The following ZBTB39 variants were observed in gnomAD, a reference collection of about 807,000 sequenced individuals.
ZBTB39 encodes the protein zinc finger and BTB domain-containing protein 39.
A neutral mutation model predicts 39.4 loss-of-function variants in ZBTB39; 25 were observed. That is an observed-to-expected ratio of 0.63 (90% confidence interval 0.46 to 0.89). The LOEUF (loss-of-function observed/expected upper bound fraction) is 0.89. ZBTB39 is among the 40% of genes least tolerant of loss of function. The pLI is 0.00. For synonymous variants in ZBTB39, 373 were observed against 359.6 expected (o/e 1.04, Z -0.42); for missense variants, 891 against 909.7 (o/e 0.98, Z 0.26).
At position 57,003,150 on chromosome 12, in the gene ZBTB39, G is replaced by C. The variant is rs1393792047; in HGVS notation, c.1768C>G (p.Leu590Val). ...QKRKLPAEEF[L>V]GEELALQGQP... The stretch of plus-strand genomic sequence containing the variant: ...CCCTGCAGCGCCAGCTCTTCACCCA[G>C]AAACTCCTCTGCTGGCAGCTTCCGC... The change falls in exon 2 of 2, where the codon CTG (leucine) becomes GTG (valine). Residue 590 changes from leucine to valine, a missense_variant. Coordinates refer to ENST00000300101, the MANE Select transcript of ZBTB39 (RefSeq NM_014830.3). The surrounding 1 kb of genome is among the most constrained non-coding windows in gnomAD (Gnocchi z 4.8). 8 of 1,614,046 alleles carry C rather than the reference G, an allele frequency of 5.0e-6. No individual in the cohort carries two copies. Among genetic ancestry groups the C allele is most frequent in the African/African-American group, 1.3e-5 (1 of 74,944 alleles).
intron 1 of ZBTB39, among the ~76,000 whole-genome samples, chr12:57,005,273 A>G (rs1433667144): frequency 2.6e-5 from 4 of 152,208 alleles, no homozygotes; most frequent in Non-Finnish European, 5.9e-5. Context: ...ACTGGATCAA[A>G]TTTTTCTCCT....
intron 1 of ZBTB39, among the ~76,000 whole-genome samples, 173 bp from the exon 2 acceptor site, chr12:57,005,134 T>C (rs562796503): frequency 6.6e-6 from 1 of 152,240 alleles, no homozygotes; most frequent in East Asian, 1.9e-4. Flanking sequence ...TCCCCCTGTA[T>C]ATACTCAAAG....
Position 57,004,975 on chromosome 12 carries a change from G to A in ZBTB39, c.-44-14C>T. The A allele has an allele frequency of 6.6e-7, 1 of 1,507,768 alleles. No homozygotes were observed. Among genetic ancestry groups the A allele is most frequent in the Non-Finnish European group, 8.9e-7 (1 of 1,120,748 alleles). The allele number at this position is 1,507,768 out of a possible 1,614,324, so 93.4% of individuals were successfully genotyped here. A position where few individuals can be genotyped will look rare whatever the true frequency, so the allele number is the denominator to read the frequency against. ...AGCACAGTTAATCTGTGGATAGCAA[G>A]AGAAAAAGATGGATGGCCAAACACA... On this transcript the variant is annotated splice_polypyrimidine_tract_variant and intron_variant, in intron 1 of 1. Coordinates refer to ENST00000300101, the MANE Select transcript of ZBTB39 (RefSeq NM_014830.3).
rs1956196976 is a variant in ZBTB39 at position 56,999,341 on chromosome 12, G to A, written c.*3438C>T. ...TTTGCTTTGGAAGTTAAGCAGTCTT[G>A]GGCTTGGGGAAAGGGGCACAGAAGG... is the stretch of plus-strand genomic sequence containing the variant. On this transcript the variant is annotated 3_prime_UTR_variant, in exon 2 of 2. Coordinates refer to ENST00000300101, the MANE Select transcript of ZBTB39 (RefSeq NM_014830.3). 6.6e-6 allele frequency: 1 copy of A among 152,056 alleles called. No homozygotes were observed. The highest frequency in any genetic ancestry group is 6.6e-5 in the Admixed American group (1 of 15,258). The allele number at this position is 152,056 out of a possible 1,614,324, so 9.4% of individuals were successfully genotyped here. A position where few individuals can be genotyped will look rare whatever the true frequency, so the allele number is the denominator to read the frequency against.
rs200367932 is a variant in ZBTB39, at chr12:57,003,562, T to C, written c.1356A>G (p.Lys452=). 1.2e-5 allele frequency: 20 copies of C among 1,614,136 alleles called. No homozygotes were observed. The East Asian group carries it at 4.2e-4, about 34-fold the overall frequency. ...LFSGAASPEL[K]CAACGKVLAK... Reference sequence around the variant, plus strand: ...CCAATACTTTCCCACAGGCAGCGCATTTCAGCTCTGGGGAGGCTGCCCCTG... The same window carrying C: ...CCAATACTTTCCCACAGGCAGCGCACTTCAGCTCTGGGGAGGCTGCCCCTG... The change falls in exon 2 of 2, where the codon AAA becomes AAG. Residue 452 remains lysine, a synonymous_variant. Coordinates refer to ENST00000300101, the MANE Select transcript of ZBTB39 (RefSeq NM_014830.3). This position sits in a 1 kb window ranked among gnomAD's most constrained non-coding sequence, Gnocchi z 4.8.
At position 57,004,341 on chromosome 12, in the gene ZBTB39, C is replaced by T. The variant is rs746121136; in HGVS notation, c.577G>A (p.Ala193Thr). Residue 193 changes from alanine to threonine, a missense_variant, in exon 2 of 2, where the codon GCT (alanine) becomes ACT (threonine). By Grantham distance (58) the Ala-to-Thr change is moderately conservative. Coordinates refer to ENST00000300101, the MANE Select transcript of ZBTB39 (RefSeq NM_014830.3). ...KEEEKNVASD[A>T]NHSLHLPQPP... ...TGCGGCAGATGCAGGCTATGGTTAG[C>T]GTCACTGGCAACATTCTTCTCTTCC... The T allele has an allele frequency of 1.3e-5, 21 of 1,614,172 alleles. No homozygotes were observed. The Admixed American group carries it at 1.7e-4, about 13-fold the overall frequency.
In ZBTB39 at chr12:57,001,751, C is replaced by T. The variant is rs1276097051; in HGVS notation, c.*1028G>A. The T allele has an allele frequency of 6.5e-6, 1 of 153,010 alleles. No individual in the cohort carries two copies. Among genetic ancestry groups the T allele is most frequent in the Non-Finnish European group, 1.5e-5 (1 of 68,110 alleles). 9.5% of individuals were successfully genotyped at this position (153,010 alleles called of 1,614,324 possible). A position where few individuals can be genotyped will look rare whatever the true frequency, so the allele number is the denominator to read the frequency against. On this transcript the variant is annotated 3_prime_UTR_variant, in exon 2 of 2. Transcript: ENST00000300101. ...AGAACGCACACCCTGCTACACACCA[C>T]CAGTTACTCAGGTCCCTTTAATCCT...
At position 57,004,319 on chromosome 12, in the gene ZBTB39, G is replaced by T. The variant is rs757341575; in HGVS notation, c.599C>A (p.Pro200Gln). The T allele has an allele frequency of 1.2e-6, 2 of 1,614,134 alleles. No individual in the cohort carries two copies. The highest frequency in any genetic ancestry group is 1.1e-5 in the South Asian group (1 of 91,074). ...CTTTGGCGGTGGTGGGGGCGGTTGC[G>T]GCAGATGCAGGCTATGGTTAGCGTC... The part of the protein sequence containing the change: ...ASDANHSLHL[P>Q]QPPPPPPKTE... The change falls in exon 2 of 2, where the codon CCG becomes CAG. Residue 200 changes from proline to glutamine, a missense_variant. Coordinates refer to ENST00000300101, the MANE Select transcript of ZBTB39 (RefSeq NM_014830.3).
rs374615327 is a variant in ZBTB39 at position 57,004,070 on chromosome 12, G to A, written c.848C>T (p.Ser283Phe). Residue 283 changes from serine to phenylalanine, a missense_variant, in exon 2 of 2, where the codon TCC becomes TTC. By Grantham distance (155) the Ser-to-Phe change is radical. Coordinates refer to ENST00000300101, the MANE Select transcript of ZBTB39 (RefSeq NM_014830.3). ...CATCTGCCCAAAGCCAGGATCTTTG[G>A]AGTGCTCACTATTGCTCAGACAGGA... ...TNSCLSNSEH[S>F]KDPGFGQMDE... 1.2e-5 allele frequency: 19 copies of A among 1,614,238 alleles called. No individual in the cohort carries two copies. The African/African-American group carries it at 1.7e-4, about 15-fold the overall frequency.
rs1452348796 is a variant in ZBTB39, at chr12:57,004,144, G to A, written c.774C>T (p.Asn258=). 2.5e-6 allele frequency: 4 copies of A among 1,614,094 alleles called. No individual in the cohort carries two copies. In the Admixed American group the frequency reaches 5.0e-5, roughly 20 times the overall value. The change falls in exon 2 of 2, where the codon AAC becomes AAT. Residue 258 remains asparagine, a synonymous_variant. Coordinates refer to ENST00000300101, the MANE Select transcript of ZBTB39 (RefSeq NM_014830.3). ...CTGCATTGTCAGGGGTGAGGAAGCTGTTTTTACTGAAGTCTCCATTGCTTT... is the reference window on the plus strand; with the variant it reads ...CTGCATTGTCAGGGGTGAGGAAGCTATTTTTACTGAAGTCTCCATTGCTTT... ...KVQSNGDFSK[N]SFLTPDNAVD... is the part of the protein sequence containing the mutation.
intron 1 of ZBTB39, among the ~76,000 whole-genome samples, chr12:57,005,408 ATAAGG>A (rs1190019717): frequency 6.6e-6 from 1 of 152,220 alleles, no homozygotes; most frequent in African/African-American, 2.4e-5. Flanking sequence ...TGAGGAACAT[ATAAGG>A]TGGTTCCGTT....
rs917251334 is a variant in ZBTB39, at chr12:57,001,349, T to C, written c.*1430A>G. 6.6e-6 allele frequency: 1 copy of C among 152,638 alleles called. No individual in the cohort carries two copies. The highest frequency in any genetic ancestry group is 1.5e-5 in the Non-Finnish European group (1 of 68,032). 9.5% of individuals were successfully genotyped at this position (152,638 alleles called of 1,614,324 possible). A position where few individuals can be genotyped will look rare whatever the true frequency, so the allele number is the denominator to read the frequency against. ...CTTGCTTGTGAAACAGCCCGGGGTG[T>C]TGCTGAATCCCACCAGGGGCAGTGC... On this transcript the variant is annotated 3_prime_UTR_variant, in exon 2 of 2. Transcript: ENST00000300101.
chr12:57,002,850 CAG>C lies in ZBTB39; in HGVS notation c.2066_2067del (p.Pro689ArgfsTer19). On this transcript the variant is annotated frameshift_variant, in exon 2 of 2. Transcript: ENST00000300101. LOFTEE classifies it high-confidence loss of function. ...HVGVHKGSLP[P>X]DFTIEQTFMY... The stretch of plus-strand genomic sequence containing the variant: ...ATGAAGGTCTGCTCGATGGTGAAGT[CAG>C]GGGGGAGGCTGCCTTTGTGCACACC... 6.2e-7 allele frequency: 1 copy of C among 1,614,202 alleles called. No individual in the cohort carries two copies. Among genetic ancestry groups the C allele is most frequent in the Non-Finnish European group, 8.5e-7 (1 of 1,180,048 alleles).
In ZBTB39 at chr12:57,002,209, A is replaced by C. The variant is rs763161498; in HGVS notation, c.*570T>G. 6.5e-6 allele frequency: 1 copy of C among 153,680 alleles called. No homozygotes were observed. The highest frequency in any genetic ancestry group is 1.5e-5 in the Non-Finnish European group (1 of 68,822). The allele number at this position is 153,680 out of a possible 1,614,324, so 9.5% of individuals were successfully genotyped here. ...GCCAAAAGATTTTCACTGTTCAATC[A>C]GCAGATTAGGGCTGTAGATAAGCAG... On this transcript the variant is annotated 3_prime_UTR_variant, in exon 2 of 2. Coordinates refer to ENST00000300101, the MANE Select transcript of ZBTB39 (RefSeq NM_014830.3).
chr12:57,004,124 T>C lies in ZBTB39; in HGVS notation c.794A>G (p.Asn265Ser). The C allele has an allele frequency of 6.2e-7, 1 of 1,614,178 alleles. No individual in the cohort carries two copies. Among genetic ancestry groups the C allele is most frequent in the South Asian group, 1.1e-5 (1 of 91,088 alleles). Reference protein sequence around the residue: ...FSKNSFLTPDNAVDITTGTNS... With the variant: ...FSKNSFLTPDSAVDITTGTNS... ...GGTCCCAGTGGTAATGTCTACTGCA[T>C]TGTCAGGGGTGAGGAAGCTGTTTTT... Residue 265 changes from asparagine to serine, a missense_variant, in exon 2 of 2, where the codon AAT (asparagine) becomes AGT (serine). Transcript: ENST00000300101.
Position 57,003,091 on chromosome 12 carries a change from G to T in ZBTB39, c.1827C>A (p.Val609=), listed in dbSNP as rs1454308363. 1.2e-5 allele frequency: 20 copies of T among 1,614,054 alleles called. No homozygotes were observed. Among genetic ancestry groups the T allele is most frequent in the Non-Finnish European group, 1.7e-5 (20 of 1,180,042 alleles). The change falls in exon 2 of 2, where the codon GTC becomes GTA. Residue 609 remains valine, a synonymous_variant. Transcript: ENST00000300101. The surrounding 1 kb of genome is among the most constrained non-coding windows in gnomAD (Gnocchi z 4.8). ...TTGTGTGGGCAAATCTTTTGCCACA[G>T]ACCTTGCAGCTATACTTGCTGTTCC... The part of the protein sequence containing the change: ...QPGNSKYSCK[V]CGKRFAHTSE...
intron 1 of ZBTB39, among the ~76,000 whole-genome samples, chr12:57,006,078 C>G (rs1956243445): frequency 6.6e-6 from 1 of 152,224 alleles, no homozygotes; most frequent in Non-Finnish European, 1.5e-5. Flanking sequence ...GACACCCCAA[C>G]AATCCCCGGG....
chr12:57,003,699 T>G lies in ZBTB39; in HGVS notation c.1219A>C (p.Thr407Pro). 4 of 1,614,202 alleles carry G rather than the reference T, an allele frequency of 2.5e-6. No homozygotes were observed. Among genetic ancestry groups the G allele is most frequent in the Non-Finnish European group, 3.4e-6 (4 of 1,180,042 alleles). ...AGCTGCCACTGGGTAAAGAACTTAG[T>G]TTCACACATGTCGCAGGAGAAAAGG... ...IFLFSCDMCE[T>P]KFFTQWQLTL... Residue 407 changes from threonine (T) to proline (P), a missense_variant, in exon 2 of 2, where the codon ACT (threonine) becomes CCT (proline). Physicochemically the swap from Thr to Pro is conservative, Grantham distance 38. Coordinates refer to ENST00000300101, the MANE Select transcript of ZBTB39 (RefSeq NM_014830.3). The surrounding 1 kb of genome is among the most constrained non-coding windows in gnomAD (Gnocchi z 4.8).
rs1247475232 is a variant in ZBTB39 at position 57,004,598 on chromosome 12, T to A, written c.320A>T (p.Glu107Val). Reference protein sequence around the residue: ...INVGVIYEVAERLGMEDLLQA... With the variant: ...INVGVIYEVAVRLGMEDLLQA... ...GAGGAGGTCCTCCATACCCAGACGC[T>A]CAGCTACCTCGTAGATGACCCCAAC... The change falls in exon 2 of 2, where the codon GAG becomes GTG. Residue 107 changes from glutamate to valine, a missense_variant. Glu to Val is a moderately radical substitution (Grantham distance 121). Transcript: ENST00000300101. The A allele has an allele frequency of 6.2e-7, 1 of 1,614,180 alleles. No individual in the cohort carries two copies. The highest frequency in any genetic ancestry group is 8.5e-7 in the Non-Finnish European group (1 of 1,180,036).
Sources: allele counts gnomAD v4.1 joint callset (sites outside exome capture counted in the v4.1 genomes callset), GRCh38; gene constraint gnomAD v4.1.1; non-coding constraint Gnocchi (gnomAD v3.1); transcripts MANE v1.5; gene names NCBI Gene and HGNC (gene_info 2026-07-23, HGNC 2026-07-21).